CYB5R4: variants seen among roughly 807,000 people sequenced by gnomAD.
CYB5R4 encodes cytochrome b5 reductase 4.
CYB5R4 carries 55 observed loss-of-function variants against 70.2 expected under a neutral mutation model. The observed-to-expected ratio is 0.78, with a 90% CI of 0.63 to 0.98. The LOEUF is 0.98. CYB5R4 is among the 50% of genes least tolerant of loss of function. The pLI is 0.00. For missense variants in CYB5R4, 562 were observed against 612.6 expected, an observed-to-expected ratio of 0.92 and a Z score of 0.87; for synonymous variants, 197 against 199.5, an observed-to-expected ratio of 0.99 and a Z score of 0.11.
At chr6:83,893,170 C>T (rs977848006) in intron 2 of CYB5R4, among the ~76,000 whole-genome samples, 1 of 152,184 alleles carries the variant, frequency 6.6e-6, no homozygotes, top group African/African-American at 2.4e-5. Flanking sequence ...ATTAAGTGTA[C>T]AGGTGTTACC....
chr6:83,965,786 AC>A lies in CYB5R4; in HGVS notation c.*5910del, dbSNP rs2099473954. 1 of 152,074 alleles carries A rather than the reference AC, an allele frequency of 6.6e-6. No individual in the cohort carries two copies. Among genetic ancestry groups the A allele is most frequent in the African/African-American group, 2.4e-5 (1 of 41,404 alleles). The allele number at this position is 152,074 out of a possible 1,614,324, so 9.4% of individuals were successfully genotyped here. On this transcript the variant is annotated 3_prime_UTR_variant, in exon 16 of 16. Transcript: ENST00000369681. ...ATAATTCCCATGTGTTATACGTGGG[AC>A]CTGGTGGGAGATAATTTGAATCATG...
At chr6:83,868,391 G>T (rs1333184671) in intron 2 of CYB5R4, among the ~76,000 whole-genome samples, 1 of 152,100 alleles carries the variant, frequency 6.6e-6, no homozygotes, top group Non-Finnish European at 1.5e-5. Context: ...TTCATGTTCA[G>T]GTGTGCCGAG....
chr6:83,936,382 TATTTTTAC>T lies in CYB5R4; in HGVS notation c.1108+13_1108+20del, dbSNP rs2099468932. 6.2e-7 allele frequency: 1 copy of T among 1,611,094 alleles called. No individual in the cohort carries two copies. The highest frequency in any genetic ancestry group is 1.3e-5 in the African/African-American group (1 of 74,702). On this transcript the variant is annotated splice_region_variant and intron_variant, in intron 12 of 15. Transcript: ENST00000369681. ...GCTTGATCGTCTTCAGATTGGTTAG[TATTTTTAC>T]ATTTTTTAAACCTCATTTGTGCTCT...
In CYB5R4 at chr6:83,943,687, C is replaced by G. The variant is rs533695788; in HGVS notation, c.1346+3086C>G. ...ATTCCTGAAGGAGCATGTTCTAACC[C>G]AGTGCAAGGAAGCTAAGAACCTTGA... On this transcript the variant is annotated intron_variant, in intron 14 of 15. Coordinates refer to ENST00000369681, the MANE Select transcript of CYB5R4 (RefSeq NM_016230.4). Among the ~76,000 whole-genome samples the G allele has an allele frequency of 3.9e-5, 6 of 152,060 alleles. No homozygotes were observed. In the South Asian group the frequency reaches 1.2e-3, roughly 32 times the overall value.
intron 12 of CYB5R4, among the ~76,000 whole-genome samples, chr6:83,938,277 A>T (rs2099469220): frequency 6.6e-6 from 1 of 152,214 alleles, no homozygotes; most frequent in African/African-American, 2.4e-5. Context: ...TAGCCTATTT[A>T]CGGAGATTTT....
chr6:83,876,522 T>A (rs778493444), intron 2 of CYB5R4, among the ~76,000 whole-genome samples: 1 of 150,738 alleles, frequency 6.6e-6, no homozygotes. Flanking sequence ...GCAGCTGCTC[T>A]AAGGGTTTAT....
rs1372739007 is a variant in CYB5R4 at position 83,964,644 on chromosome 6, G to C, written c.*4766G>C. 6.6e-6 allele frequency: 1 copy of C among 152,246 alleles called. No individual in the cohort carries two copies. The highest frequency in any genetic ancestry group is 1.5e-5 in the Non-Finnish European group (1 of 68,040). The allele number at this position is 152,246 out of a possible 1,614,324, so 9.4% of individuals were successfully genotyped here. The stretch of plus-strand genomic sequence containing the variant: ...TTCTGAGGAGAAATTCAAGCTGGCT[G>C]TAGATATTTGCATAAGTAACAAGGA... On this transcript the variant is annotated 3_prime_UTR_variant, in exon 16 of 16. Coordinates refer to ENST00000369681, the MANE Select transcript of CYB5R4 (RefSeq NM_016230.4).
chr6:83,924,673 G>A, intron 10 of CYB5R4, 81 bp downstream of exon 10: 3 of 1,483,696 alleles, frequency 2.0e-6, no homozygotes, highest in Non-Finnish European at 2.8e-6. Context: ...AGTTTGGAAG[G>A]CTGCTTTGAA....
rs947196525 is a variant in CYB5R4, at chr6:83,926,595, A to G, written c.814+2003A>G. The stretch of plus-strand genomic sequence containing the variant: ...TAGAGCCAACTTAATTACCTTTTAA[A>G]TGAAGACCCCATTTCCAAATGTCGT... On this transcript the variant is annotated intron_variant, in intron 10 of 15. Transcript: ENST00000369681. 4.6e-4 allele frequency among the ~76,000 whole-genome samples: 70 copies of G among 152,106 alleles called. 1 individual carries two copies. The highest frequency in any genetic ancestry group is 1.7e-3 in the African/African-American group (69 of 41,428).
chr6:83,939,716 A>G (rs1304502804), intron 12 of CYB5R4, among the ~76,000 whole-genome samples: 1 of 152,198 alleles, frequency 6.6e-6, no homozygotes, highest in Non-Finnish European at 1.5e-5. Flanking sequence ...TTAGCAATCA[A>G]TCCTTTATTG....
intron 3 of CYB5R4, among the ~76,000 whole-genome samples, chr6:83,896,700 T>A (rs1010376748): frequency 1.3e-5 from 2 of 152,238 alleles, no homozygotes; most frequent in Admixed American, 6.5e-5. Flanking sequence ...GTGGATTCCA[T>A]ATTTTTGCTA....
At chr6:83,907,380 T>C (rs2099463965) in intron 3 of CYB5R4, among the ~76,000 whole-genome samples, 1 of 152,228 alleles carries the variant, frequency 6.6e-6, no homozygotes, top group South Asian at 2.1e-4. Flanking sequence ...AGAATCACTT[T>C]GTTTCTTTTC....
Position 83,936,207 on chromosome 6 carries a change from G to T in CYB5R4, c.956-17G>T. On this transcript the variant is annotated splice_polypyrimidine_tract_variant and intron_variant, in intron 11 of 15. Coordinates refer to ENST00000369681, the MANE Select transcript of CYB5R4 (RefSeq NM_016230.4). Reference sequence around the variant, plus strand: ...ATTTTTAGAATTTAATTATTTTGCTGTGATTTTTTTTTCTAGGTACAGAAA... The same window carrying T: ...ATTTTTAGAATTTAATTATTTTGCTTTGATTTTTTTTTCTAGGTACAGAAA... The T allele has an allele frequency of 6.6e-7, 1 of 1,522,532 alleles. No individual in the cohort carries two copies. Among genetic ancestry groups the T allele is most frequent in the African/African-American group, 1.4e-5 (1 of 70,984 alleles). The allele number at this position is 1,522,532 out of a possible 1,614,324, so 94.3% of individuals were successfully genotyped here. A position where few individuals can be genotyped will look rare whatever the true frequency, so the allele number is the denominator to read the frequency against.
At chr6:83,896,866 T>C (rs899215449) in intron 3 of CYB5R4, among the ~76,000 whole-genome samples, 2 of 152,152 alleles carry the variant, frequency 1.3e-5, no homozygotes, top group East Asian at 3.9e-4. Flanking sequence ...TCCATAATGG[T>C]TGTACTAATT....
In CYB5R4 at chr6:83,924,770, A is replaced by C. The variant is rs150481613; in HGVS notation, c.814+178A>C. 1.7e-4 allele frequency among the ~76,000 whole-genome samples: 26 copies of C among 152,292 alleles called. No homozygotes were observed. In the East Asian group the frequency reaches 4.8e-3, roughly 28 times the overall value. On this transcript the variant is annotated intron_variant, in intron 10 of 15. Coordinates refer to ENST00000369681, the MANE Select transcript of CYB5R4 (RefSeq NM_016230.4). Reference sequence around the variant, plus strand: ...CTGCTTTTTTTTCCCATAGAAGTTAAATTTCAGACTCTACTATCTAATGTT... The same window carrying C: ...CTGCTTTTTTTTCCCATAGAAGTTACATTTCAGACTCTACTATCTAATGTT...
intron 2 of CYB5R4, among the ~76,000 whole-genome samples, chr6:83,886,868 C>T (rs2099460326): frequency 6.6e-6 from 1 of 152,152 alleles, no homozygotes; most frequent in South Asian, 2.1e-4. Context: ...AAGTTCAGGA[C>T]TATATTAAAT....
chr6:83,878,614 A>G (rs951640033), intron 2 of CYB5R4, among the ~76,000 whole-genome samples: 10 of 152,094 alleles, frequency 6.6e-5, no homozygotes, highest in African/African-American at 1.7e-4. Context: ...CCAAAGTGCT[A>G]GGATTACAGG....
intron 12 of CYB5R4, among the ~76,000 whole-genome samples, chr6:83,939,854 C>T (rs941358997): frequency 7.2e-5 from 11 of 152,208 alleles, no homozygotes; most frequent in African/African-American, 2.6e-4. Context: ...ATAATTCAGA[C>T]ATACTTAGGG....
intron 2 of CYB5R4, among the ~76,000 whole-genome samples, chr6:83,882,813 C>G (rs183610971): frequency 5.9e-5 from 9 of 152,170 alleles, no homozygotes; most frequent in African/African-American, 2.2e-4. Flanking sequence ...TGGTGAAACC[C>G]TGTCTCTACT....
Sources: gnomAD v4.1 joint callset for allele counts (sites outside exome capture counted in the v4.1 genomes callset) on GRCh38, gnomAD v4.1.1 for gene constraint, MANE v1.5 for transcripts, NCBI Gene and HGNC (gene_info 2026-07-23, HGNC 2026-07-21) for gene names.